The following OLA1 variants were observed in gnomAD, a reference collection of about 807,000 sequenced individuals.
OLA1 encodes the protein obg-like ATPase 1.
OLA1 carries 14 observed loss-of-function variants against 48.4 expected under a neutral mutation model. The observed-to-expected ratio is 0.29, with a 90% confidence interval of 0.19 to 0.45. The LOEUF (loss-of-function observed/expected upper bound fraction) is 0.45. OLA1 is among the 20% of genes least tolerant of loss of function. OLA1 has a pLI of 1.00. For synonymous variants in OLA1, 127 were observed against 150.4 expected (o/e 0.84, Z 1.14); for missense variants, 325 against 467.1 (o/e 0.70, Z 2.80).
chr2:174,098,743 G>A (rs893628774), intron 7 of OLA1, among the ~76,000 whole-genome samples: 4 of 152,050 alleles, frequency 2.6e-5, no homozygotes, highest in African/African-American at 7.2e-5. Flanking sequence ...AAATAAGGAC[G>A]TACACAGAAA....
Position 174,092,811 on chromosome 2 carries a change from A to C in OLA1, c.729-10747T>G, listed in dbSNP as rs537979134. The stretch of plus-strand genomic sequence containing the variant: ...CTGGAACTGTGAAGTGAAAATCACA[A>C]CAGGACCTGGGGAGGCATATCTGAT... On this transcript the variant is annotated intron_variant, in intron 7 of 10. Transcript: ENST00000284719. Among the ~76,000 whole-genome samples, 5 of 152,330 alleles carry C rather than the reference A, an allele frequency of 3.3e-5. No individual in the cohort carries two copies. In the East Asian group the frequency reaches 9.7e-4, roughly 29 times the overall value.
intron 10 of OLA1, 78 bp from the exon 11 acceptor site, chr2:174,075,605 A>G (rs1684720246): frequency 1.2e-5 from 10 of 854,172 alleles, no homozygotes; most frequent in Non-Finnish European, 1.4e-5. Flanking sequence ...CAGCAGATAT[A>G]AAAAGTATTA....
At chr2:174,209,071 C>A (rs1250448570) in intron 4 of OLA1, among the ~76,000 whole-genome samples, 1 of 152,148 alleles carries the variant, frequency 6.6e-6, no homozygotes, top group African/African-American at 2.4e-5. Context: ...GACAGTAGGA[C>A]TGCTTGAGCT....
intron 7 of OLA1, among the ~76,000 whole-genome samples, chr2:174,113,966 G>A (rs1685716134): frequency 6.6e-6 from 1 of 151,926 alleles, no homozygotes; most frequent in African/African-American, 2.4e-5. Context: ...AGCTCAGAAT[G>A]CCCATCACAT....
At chr2:174,141,712 T>C in intron 5 of OLA1, 113 bp downstream of exon 5, 1 of 862,844 alleles carries the variant, frequency 1.2e-6, no homozygotes, top group Middle Eastern at 3.7e-4. Flanking sequence ...GAAATAACCC[T>C]TGGCTTCTAA....
intron 7 of OLA1, among the ~76,000 whole-genome samples, chr2:174,108,830 C>T (rs1685574584): frequency 6.6e-6 from 1 of 152,086 alleles, no homozygotes; most frequent in Non-Finnish European, 1.5e-5. Flanking sequence ...CCAATCATGC[C>T]CTATTTCAAC....
intron 4 of OLA1, among the ~76,000 whole-genome samples, chr2:174,159,330 G>A (rs927823608): frequency 1.3e-5 from 2 of 152,044 alleles, no homozygotes. Flanking sequence ...CTACTTTGTA[G>A]GATAAATAAG....
At chr2:174,107,112 T>C (rs1685530590) in intron 7 of OLA1, among the ~76,000 whole-genome samples, 1 of 152,150 alleles carries the variant, frequency 6.6e-6, no homozygotes. Flanking sequence ...GATAAGCTCC[T>C]TGTTGGGAGC....
At chr2:174,105,983 C>T (rs529845915) in intron 7 of OLA1, among the ~76,000 whole-genome samples, 1 of 150,138 alleles carries the variant, frequency 6.7e-6, no homozygotes, top group East Asian at 2.0e-4. Flanking sequence ...CTCAGTATCT[C>T]TTTTTGTTGG....
intron 4 of OLA1, among the ~76,000 whole-genome samples, chr2:174,216,466 G>A (rs537077902): frequency 6.6e-6 from 1 of 152,156 alleles, no homozygotes; most frequent in East Asian, 1.9e-4. Flanking sequence ...TCTGCACCTG[G>A]GGTTACTGCC....
chr2:174,229,493 C>T, intron 2 of OLA1, 42 bp from the exon 3 acceptor site: 2 of 1,483,662 alleles, frequency 1.3e-6, no homozygotes, highest in Non-Finnish European at 1.8e-6. Flanking sequence ...CTTAGGTTAA[C>T]ACCAAGAAAA....
Position 174,216,609 on chromosome 2 carries a change from G to A in OLA1, c.373+6424C>T, listed in dbSNP as rs553093931. Among the ~76,000 whole-genome samples, 6 of 152,264 alleles carry A rather than the reference G, an allele frequency of 3.9e-5. No individual in the cohort carries two copies. In the South Asian group the frequency reaches 1.2e-3, roughly 32 times the overall value. On this transcript the variant is annotated intron_variant, in intron 4 of 10. Coordinates refer to ENST00000284719, the MANE Select transcript of OLA1 (RefSeq NM_013341.5). ...ACTCTGTCACCCAGGCTGGAGTACA[G>A]TGGCACAATCATAGCTCACCACAGC... is the stretch of plus-strand genomic sequence containing the variant.
intron 4 of OLA1, among the ~76,000 whole-genome samples, chr2:174,149,009 G>A (rs1194991539): frequency 1.3e-5 from 2 of 152,170 alleles, no homozygotes; most frequent in Non-Finnish European, 2.9e-5. Flanking sequence ...CACCCTGGAC[G>A]TTAATTTCTC....
At chr2:174,202,118 C>T (rs1688003794) in intron 4 of OLA1, among the ~76,000 whole-genome samples, 1 of 151,826 alleles carries the variant, frequency 6.6e-6, no homozygotes, top group Non-Finnish European at 1.5e-5. Context: ...GTCATGAATG[C>T]ATAAAAATAT....
chr2:174,225,103 G>A (rs1688587386), intron 3 of OLA1, among the ~76,000 whole-genome samples: 1 of 152,114 alleles, frequency 6.6e-6, no homozygotes, highest in Admixed American at 6.5e-5. Flanking sequence ...TGAATGGCTT[G>A]GTGCCCTCTC....
rs1688541882 is a variant in OLA1 at position 174,223,071 on chromosome 2, G to C, written c.335C>G (p.Ser112Cys). Residue 112 changes from serine to cysteine, a missense_variant, in exon 4 of 11, where the codon TCT becomes TGT. By Grantham distance (112) the Ser-to-Cys change is moderately radical. Coordinates refer to ENST00000284719, the MANE Select transcript of OLA1 (RefSeq NM_013341.5). ...GATGCCATCACAGGCACTAATATGA[G>C]ATAAAAAAGCATTCCCCAGGCCCTG... ...NGQGLGNAFL[S>C]HISACDGIFH... The C allele has an allele frequency of 1.2e-6, 2 of 1,613,636 alleles. No individual in the cohort carries two copies. The highest frequency in any genetic ancestry group is 1.3e-5 in the African/African-American group (1 of 74,904).
At chr2:174,167,083 A>G (rs1687184123) in intron 4 of OLA1, among the ~76,000 whole-genome samples, 1 of 152,204 alleles carries the variant, frequency 6.6e-6, no homozygotes, top group African/African-American at 2.4e-5. Context: ...AGAGAGGGAA[A>G]GAACCCACAA....
At chr2:174,214,071 G>A (rs6735044) in intron 4 of OLA1, among the ~76,000 whole-genome samples, 19,548 of 151,476 alleles carry the variant, frequency 0.13, 1,459 homozygotes, top group East Asian at 0.21. Flanking sequence ...AGTACCTCAC[G>A]CCTGTAATCC....
chr2:174,091,852 A>C (rs971692392), intron 7 of OLA1, among the ~76,000 whole-genome samples: 4 of 120,648 alleles, frequency 3.3e-5, no homozygotes, highest in Non-Finnish European at 6.5e-5. Flanking sequence ...AGCCTGGGAG[A>C]CAGCGAGACT....
Sources: gnomAD v4.1 joint callset for allele counts (sites outside exome capture counted in the v4.1 genomes callset) on GRCh38, gnomAD v4.1.1 for gene constraint, MANE v1.5 for transcripts, NCBI Gene and HGNC (gene_info 2026-07-23, HGNC 2026-07-21) for gene names.